The following APP variants were observed in gnomAD, a reference collection of about 807,000 sequenced individuals.
The protein encoded by APP is amyloid-beta precursor protein.
In APP, 31 loss-of-function variants were observed where a neutral mutation model predicts 101.4. The ratio of observed to expected loss-of-function variants is 0.31; its 90% confidence interval spans 0.23 to 0.41. The LOEUF (loss-of-function observed/expected upper bound fraction) is 0.41. Ranked by LOEUF, APP falls within the 10% of genes least tolerant of loss-of-function variation. APP has a pLI of 1.00. For synonymous variants in APP, 366 were observed against 364.4 expected (o/e 1.00, Z -0.05); for missense variants, 839 against 1,003.7 (o/e 0.84, Z 2.22).
chr21:25,886,166 T>C lies in APP; in HGVS notation c.2212-4395A>G, dbSNP rs190551123. Among the ~76,000 whole-genome samples, 173 of 151,810 alleles carry C rather than the reference T, an allele frequency of 1.1e-3. 1 individual carries two copies. The highest frequency in any genetic ancestry group is 1.3e-3 in the Non-Finnish European group (90 of 67,928). ...TGTGACACATCAAAGGAGCCACAAGTCTGCGGAAAAAAAAAATAAAAGCAA... is the reference window on the plus strand; with the variant it reads ...TGTGACACATCAAAGGAGCCACAAGCCTGCGGAAAAAAAAAATAAAAGCAA... On this transcript the variant is annotated intron_variant, in intron 17 of 17. Transcript: ENST00000346798.
At chr21:26,021,046 CTTT>C (rs144287372) in intron 6 of APP, among the ~76,000 whole-genome samples, 192 of 101,720 alleles carry the variant, frequency 1.9e-3, no homozygotes, top group African/African-American at 6.1e-3. Context: ...CTCACCAAAT[CTTT>C]TTTTTTTTTT....
intron 13 of APP, among the ~76,000 whole-genome samples, chr21:25,935,627 G>T (rs570172116): frequency 6.6e-6 from 1 of 152,082 alleles, no homozygotes; most frequent in East Asian, 1.9e-4. Context: ...GGATTACAAG[G>T]TCAGGAATTC....
intron 1 of APP, among the ~76,000 whole-genome samples, chr21:26,146,767 T>C (rs568557515): frequency 6.6e-6 from 1 of 152,338 alleles, no homozygotes; most frequent in African/African-American, 2.4e-5. Flanking sequence ...TCTCTGAAGA[T>C]GTTCATATTT....
intron 1 of APP, among the ~76,000 whole-genome samples, chr21:26,157,420 A>G (rs73896834): frequency 0.028 from 4,248 of 152,264 alleles, 200 homozygotes; most frequent in African/African-American, 0.097. Flanking sequence ...TTAGAAAGTA[A>G]AACCAACAGC....
intron 14 of APP, among the ~76,000 whole-genome samples, chr21:25,910,628 T>G (rs1313077026): frequency 6.6e-6 from 1 of 152,198 alleles, no homozygotes; most frequent in Non-Finnish European, 1.5e-5. Flanking sequence ...AACAGGTGTT[T>G]CTGCTAAGAA....
At position 25,928,189 on chromosome 21, in the gene APP, A is replaced by G. The variant is rs151126187; in HGVS notation, c.1688-16227T>C. The stretch of plus-strand genomic sequence containing the variant: ...GAAATCGCGTCTCTACTAAAAATAC[A>G]AAAATTAGCCGGGCATGGTGCAGGC... On this transcript the variant is annotated intron_variant, in intron 13 of 17. Transcript: ENST00000346798. Among the ~76,000 whole-genome samples, 374 of 71,506 alleles carry G rather than the reference A, an allele frequency of 5.2e-3. 1 individual carries two copies. The highest frequency in any genetic ancestry group is 0.02 in the African/African-American group (359 of 17,598). 46.9% of individuals were successfully genotyped at this position (71,506 alleles called of 152,430 possible).
At chr21:26,003,349 G>A (rs1214151060) in intron 6 of APP, among the ~76,000 whole-genome samples, 1 of 152,234 alleles carries the variant, frequency 6.6e-6, no homozygotes, top group Non-Finnish European at 1.5e-5. Flanking sequence ...AAAAGAGTGA[G>A]TTAGTCCCTA....
At chr21:26,118,299 T>C in intron 1 of APP, among the ~76,000 whole-genome samples, 1 of 152,156 alleles carries the variant, frequency 6.6e-6, no homozygotes, top group East Asian at 1.9e-4. Context: ...TATAAATGAA[T>C]ATAAAAGTGG....
chr21:25,916,760 G>T (rs1450441860), intron 13 of APP, among the ~76,000 whole-genome samples: 1 of 151,744 alleles, frequency 6.6e-6, no homozygotes. Flanking sequence ...CCTTCTAAAA[G>T]CTATTTGTTA....
chr21:26,036,500 T>C (rs58533291), intron 5 of APP, among the ~76,000 whole-genome samples: 4,077 of 152,280 alleles, frequency 0.027, 174 homozygotes, highest in African/African-American at 0.091. Flanking sequence ...TCTGGGTCTG[T>C]CTGTACTGGT....
intron 2 of APP, among the ~76,000 whole-genome samples, chr21:26,092,448 C>T (rs772675132): frequency 6.6e-6 from 1 of 152,140 alleles, no homozygotes; most frequent in African/African-American, 2.4e-5. Flanking sequence ...ATTCTTCCCA[C>T]TATATGACAT....
chr21:25,911,277 A>G (rs1385985223), intron 14 of APP, among the ~76,000 whole-genome samples: 1 of 152,220 alleles, frequency 6.6e-6, no homozygotes, highest in Non-Finnish European at 1.5e-5. Context: ...AATTAGAAGA[A>G]TGTTATTGCC....
intron 3 of APP, among the ~76,000 whole-genome samples, chr21:26,056,731 A>G (rs560499951): frequency 6.6e-6 from 1 of 152,352 alleles, no homozygotes; most frequent in African/African-American, 2.4e-5. Flanking sequence ...TCAAAATGAG[A>G]ATGGTTTTTT....
At chr21:25,991,153 G>A (rs2042844363) in intron 8 of APP, among the ~76,000 whole-genome samples, 1 of 152,098 alleles carries the variant, frequency 6.6e-6, no homozygotes, top group Non-Finnish European at 1.5e-5. Flanking sequence ...GGACATTGGA[G>A]ACTCAGAATG....
chr21:25,904,963 C>A, intron 15 of APP, 61 bp downstream of exon 15: 1 of 1,423,640 alleles, frequency 7.0e-7, no homozygotes, highest in Non-Finnish European at 9.9e-7. Flanking sequence ...AGAAAGGAGA[C>A]AACGTCTGCT....
intron 2 of APP, among the ~76,000 whole-genome samples, chr21:26,105,318 AACAATGAGTCCAGTTAAAGACAG>A (rs1188558818): frequency 1.3e-5 from 2 of 152,200 alleles, no homozygotes; most frequent in Non-Finnish European, 2.9e-5. Flanking sequence ...ACTAGCTGTA[AACAATGAGTCCAGTTAAAGACAG>A]ACCCTATGAA....
At chr21:25,973,200 G>A (rs1371063832) in intron 11 of APP, among the ~76,000 whole-genome samples, 1 of 150,904 alleles carries the variant, frequency 6.6e-6, no homozygotes, top group African/African-American at 2.4e-5. Context: ...ACAAGGAACA[G>A]ACTGGACAAA....
At chr21:25,944,396 T>C (rs2040715305) in intron 13 of APP, among the ~76,000 whole-genome samples, 1 of 152,232 alleles carries the variant, frequency 6.6e-6, no homozygotes, top group Admixed American at 6.5e-5. Flanking sequence ...CTATTTTTGA[T>C]GAGATATTAT....
At chr21:25,956,572 A>AAAAC (rs765386125) in intron 11 of APP, among the ~76,000 whole-genome samples, 1 of 152,246 alleles carries the variant, frequency 6.6e-6, no homozygotes. Flanking sequence ...CTTCTTCATT[A>AAAAC]AAACAAACAA....
Sources: gnomAD v4.1 joint callset for allele counts (sites outside exome capture counted in the v4.1 genomes callset) on GRCh38, gnomAD v4.1.1 for gene constraint, MANE v1.5 for transcripts, NCBI Gene and HGNC (gene_info 2026-07-23, HGNC 2026-07-21) for gene names.